MPPED2: variants seen among roughly 807,000 people sequenced by gnomAD.
MPPED2 encodes the protein metallophosphoesterase MPPED2.
Under a neutral mutation model 33.0 loss-of-function variants are expected in MPPED2, and 5 were observed. The ratio of observed to expected loss-of-function variants is 0.15; its 90% CI spans 0.08 to 0.32. The LOEUF (loss-of-function observed/expected upper bound fraction) is 0.32, where lower values mean the gene tolerates loss of function less well. Ranked by LOEUF, MPPED2 falls within the 10% of genes least tolerant of loss-of-function variation. MPPED2 has a pLI of 1.00. For missense variants in MPPED2, 275 were observed against 372.1 expected (o/e 0.74, Z 2.15); for synonymous variants, 136 against 141.9 (o/e 0.96, Z 0.29).
At chr11:30,395,030 G>T (rs1458824220) in intron 6 of MPPED2, among the ~76,000 whole-genome samples, 2 of 151,996 alleles carry the variant, frequency 1.3e-5, no homozygotes, top group African/African-American at 4.8e-5. Context: ...TTTATTTCTG[G>T]AATTTCTATT....
chr11:30,440,748 C>T (rs949667629), intron 4 of MPPED2, among the ~76,000 whole-genome samples: 2 of 152,160 alleles, frequency 1.3e-5, no homozygotes, highest in African/African-American at 4.8e-5. Context: ...TCGGAGCTGC[C>T]ACTAAATCTG....
chr11:30,577,860 C>T (rs1381861454), intron 2 of MPPED2, among the ~76,000 whole-genome samples: 1 of 152,228 alleles, frequency 6.6e-6, no homozygotes. Flanking sequence ...AATCTATTCT[C>T]TCTATTCAAT....
chr11:30,560,321 A>G, intron 2 of MPPED2, among the ~76,000 whole-genome samples: 1 of 152,076 alleles, frequency 6.6e-6, no homozygotes, highest in East Asian at 1.9e-4. Flanking sequence ...TTAAAAAAAA[A>G]AAATATGTTA....
chr11:30,551,352 T>C (rs1249485904), intron 2 of MPPED2, among the ~76,000 whole-genome samples: 1 of 152,184 alleles, frequency 6.6e-6, no homozygotes, highest in Admixed American at 6.5e-5. Flanking sequence ...TTCCCCATAG[T>C]CAGAGATGCT....
At chr11:30,536,719 G>T (rs550194771) in intron 2 of MPPED2, among the ~76,000 whole-genome samples, 1 of 151,250 alleles carries the variant, frequency 6.6e-6, no homozygotes, top group African/African-American at 2.4e-5. Context: ...GTATCTTCTG[G>T]TTTTTGCTAT....
chr11:30,398,059 T>G (rs1019276074), intron 6 of MPPED2, among the ~76,000 whole-genome samples: 4 of 152,152 alleles, frequency 2.6e-5, no homozygotes, highest in African/African-American at 9.7e-5. Context: ...AGATTTGGTA[T>G]TAAGTCATTA....
chr11:30,496,449 C>T (rs1458727), intron 3 of MPPED2, among the ~76,000 whole-genome samples: 46,371 of 152,028 alleles, frequency 0.31, 7,665 homozygotes, highest in East Asian at 0.49. Flanking sequence ...ACCCATCCCT[C>T]AAGCCTCACT....
At chr11:30,410,203 C>T, downstream of MPPED2, 2 of 985,782 alleles carry the variant, frequency 2.0e-6, no homozygotes, top group Non-Finnish European at 2.4e-6. Context: ...CTCCACCATC[C>T]AACCCTCTAA....
chr11:30,501,625 T>C (rs1952566636), intron 3 of MPPED2: 1 of 980,630 alleles, frequency 1.0e-6, no homozygotes, highest in African/African-American at 1.7e-5. Flanking sequence ...ATAGATAGCA[T>C]CCAGACTGTT....
downstream of MPPED2, among the ~76,000 whole-genome samples, chr11:30,405,771 T>C (rs1042676002): frequency 1.3e-5 from 2 of 152,070 alleles, no homozygotes; most frequent in African/African-American, 4.8e-5. Context: ...CCTTTTTTTC[T>C]TTTTTTTCTC....
chr11:30,508,566 G>A (rs1175509593), intron 3 of MPPED2, among the ~76,000 whole-genome samples: 2 of 152,152 alleles, frequency 1.3e-5, no homozygotes, highest in Non-Finnish European at 2.9e-5. Context: ...TTCCATGGTT[G>A]ACAGCCCTAG....
At chr11:30,573,946 A>C (rs1405381933) in intron 2 of MPPED2, among the ~76,000 whole-genome samples, 3 of 152,226 alleles carry the variant, frequency 2.0e-5, no homozygotes, top group African/African-American at 7.2e-5. Context: ...ACAGCTGTAC[A>C]ATGTATTTGT....
chr11:30,447,613 T>G (rs1949867693), intron 4 of MPPED2, among the ~76,000 whole-genome samples: 1 of 152,116 alleles, frequency 6.6e-6, no homozygotes, highest in African/African-American at 2.4e-5. Context: ...CAGCACTCGC[T>G]GGATATTGAT....
intron 2 of MPPED2, among the ~76,000 whole-genome samples, chr11:30,562,174 G>A (rs1956265796): frequency 6.6e-6 from 1 of 152,158 alleles, no homozygotes; most frequent in Non-Finnish European, 1.5e-5. Context: ...CCAAGCCACA[G>A]CATATGGCCA....
At chr11:30,416,006 G>A (rs1315002127) in intron 5 of MPPED2, among the ~76,000 whole-genome samples, 1 of 152,218 alleles carries the variant, frequency 6.6e-6, no homozygotes, top group Admixed American at 6.5e-5. Context: ...CTCTCACTGG[G>A]TAACTCATGC....
intron 2 of MPPED2, among the ~76,000 whole-genome samples, chr11:30,567,533 A>G (rs1206222031): frequency 5.3e-5 from 8 of 151,920 alleles, no homozygotes; most frequent in African/African-American, 1.9e-4. Context: ...CCAGTTTCTT[A>G]TTCTCATACT....
At chr11:30,578,332 A>G (rs866582760) in intron 2 of MPPED2, among the ~76,000 whole-genome samples, 60 of 152,166 alleles carry the variant, frequency 3.9e-4, no homozygotes, top group Admixed American at 1.3e-4. Context: ...TAAAAGTGAA[A>G]AGGTACACTG....
intron 4 of MPPED2, among the ~76,000 whole-genome samples, chr11:30,444,613 G>A (rs528332574): frequency 4.6e-5 from 7 of 152,066 alleles, no homozygotes; most frequent in African/African-American, 1.7e-4. Flanking sequence ...TACAAGTTAA[G>A]ACTTAAAAAG....
chr11:30,469,304 T>C (rs1477659375), intron 4 of MPPED2, among the ~76,000 whole-genome samples: 1 of 152,180 alleles, frequency 6.6e-6, no homozygotes, highest in Admixed American at 6.5e-5. Flanking sequence ...AAAAGTAGTA[T>C]TGAATAGTAA....
Sources: gnomAD v4.1 joint callset for allele counts (sites outside exome capture counted in the v4.1 genomes callset) on GRCh38, gnomAD v4.1.1 for gene constraint, MANE v1.5 for transcripts, NCBI Gene and HGNC (gene_info 2026-07-23, HGNC 2026-07-21) for gene names.